The following LRIG1 variants were observed in gnomAD, a reference collection of about 807,000 sequenced individuals.
LRIG1 encodes the protein leucine-rich repeats and immunoglobulin-like domains protein 1.
In LRIG1, 48 loss-of-function variants were observed where a neutral mutation model predicts 99.2. The ratio of observed to expected loss-of-function variants is 0.48; its 90% CI spans 0.38 to 0.62. LRIG1 has a LOEUF of 0.62. LRIG1 is among the 20% of genes least tolerant of loss of function. The pLI, the probability that LRIG1 is intolerant of heterozygous loss-of-function variation, is 0.00. For synonymous variants in LRIG1, 772 were observed against 596.1 expected (o/e 1.29, Z -4.30); for missense variants, 1,646 against 1,434.4 (o/e 1.15, Z -2.38).
chr3:66,432,456 T>C (rs760618239), intron 3 of LRIG1, among the ~76,000 whole-genome samples: 123 of 152,294 alleles, frequency 8.1e-4, no homozygotes, highest in Non-Finnish European at 1.4e-3. Context: ...GCAGGAACAG[T>C]GGGAACAAAT....
chr3:66,398,906 C>T, intron 10 of LRIG1, 64 bp downstream of exon 10: 1 of 1,372,710 alleles, frequency 7.3e-7, no homozygotes, highest in Non-Finnish European at 1.0e-6. Flanking sequence ...AAATTGCTAG[C>T]AGAACTCCCC....
chr3:66,388,325 CAAAG>C (rs1051173807), intron 12 of LRIG1, among the ~76,000 whole-genome samples: 2 of 150,396 alleles, frequency 1.3e-5, no homozygotes, highest in African/African-American at 4.9e-5. Context: ...GTCTGAGAAA[CAAAG>C]AAAAAAGAAT....
intron 3 of LRIG1, among the ~76,000 whole-genome samples, chr3:66,436,732 G>T (rs1048980406): frequency 2.0e-5 from 3 of 152,174 alleles, no homozygotes; most frequent in African/African-American, 7.2e-5. Context: ...TGCATTTAGA[G>T]ACAGGGAAGC....
chr3:66,443,878 G>C (rs1703629448), intron 3 of LRIG1, among the ~76,000 whole-genome samples: 1 of 152,198 alleles, frequency 6.6e-6, no homozygotes, highest in Non-Finnish European at 1.5e-5. Context: ...ACAGTTCCCA[G>C]GCTGGGAAAA....
chr3:66,439,024 T>A (rs144373959), intron 3 of LRIG1, among the ~76,000 whole-genome samples: 1 of 152,224 alleles, frequency 6.6e-6, no homozygotes, highest in African/African-American at 2.4e-5. Flanking sequence ...TGGAACCAAA[T>A]AGTTGCTATA....
At chr3:66,418,047 C>T (rs1274465111) in intron 3 of LRIG1, among the ~76,000 whole-genome samples, 1 of 152,074 alleles carries the variant, frequency 6.6e-6, no homozygotes, top group Non-Finnish European at 1.5e-5. Flanking sequence ...TCACCACCTC[C>T]CAAGACAGGA....
chr3:66,380,970 C>T, intron 17 of LRIG1, 109 bp from the exon 18 acceptor site: 5 of 1,120,748 alleles, frequency 4.5e-6, no homozygotes, highest in Non-Finnish European at 5.2e-6. Flanking sequence ...ACCCTGACTG[C>T]AAACACTGTA....
intron 1 of LRIG1, among the ~76,000 whole-genome samples, chr3:66,490,668 C>A (rs1259602827): frequency 1.3e-5 from 2 of 151,888 alleles, no homozygotes; most frequent in African/African-American, 2.4e-5. Flanking sequence ...TGCATTGGAG[C>A]GTGCTTCCAC....
At chr3:66,426,056 T>A (rs1373079894) in intron 3 of LRIG1, among the ~76,000 whole-genome samples, 1 of 152,170 alleles carries the variant, frequency 6.6e-6, no homozygotes, top group Non-Finnish European at 1.5e-5. Context: ...AGATCTCATG[T>A]CACAGATAAC....
Position 66,500,625 on chromosome 3 carries a change from C to A in LRIG1, c.-218G>T. On this transcript the variant is annotated 5_prime_UTR_variant, in exon 1 of 19. Transcript: ENST00000273261. Reference sequence around the variant, plus strand: ...CACCCGGCGGGGGCCGCAAACCCCGCGCCCATCCGGGCCGGCCGGCCCGCC... The same window carrying A: ...CACCCGGCGGGGGCCGCAAACCCCGAGCCCATCCGGGCCGGCCGGCCCGCC... 3.0e-6 allele frequency: 1 copy of A among 328,226 alleles called. No homozygotes were observed. Among genetic ancestry groups the A allele is most frequent in the Non-Finnish European group, 5.5e-6 (1 of 181,554 alleles). 20.3% of individuals were successfully genotyped at this position (328,226 alleles called of 1,614,324 possible). A position where few individuals can be genotyped will look rare whatever the true frequency, so the allele number is the denominator to read the frequency against.
intron 1 of LRIG1, among the ~76,000 whole-genome samples, chr3:66,465,997 T>C (rs1559813435): frequency 6.6e-6 from 1 of 151,984 alleles, no homozygotes; most frequent in East Asian, 1.9e-4. Flanking sequence ...CTTAACATAA[T>C]GTCTTCAAGA....
In LRIG1 at chr3:66,431,961, G is replaced by A. The variant is rs116216396; in HGVS notation, c.366-14695C>T. Reference sequence around the variant, plus strand: ...ATACAGGATGTTGTTCTCACAGTACGATGATAATGGAATCCCCACCCCATT... The same window carrying A: ...ATACAGGATGTTGTTCTCACAGTACAATGATAATGGAATCCCCACCCCATT... On this transcript the variant is annotated intron_variant, in intron 3 of 18. Transcript: ENST00000273261. 1.7e-3 allele frequency among the ~76,000 whole-genome samples: 259 copies of A among 152,322 alleles called. 1 individual carries two copies. The highest frequency in any genetic ancestry group is 5.9e-3 in the African/African-American group (247 of 41,554).
intron 9 of LRIG1, among the ~76,000 whole-genome samples, chr3:66,402,931 C>T (rs1052794631): frequency 6.6e-6 from 1 of 151,988 alleles, no homozygotes; most frequent in African/African-American, 2.4e-5. Context: ...TTCCTCTGTC[C>T]CTCCCTTCAT....
At chr3:66,460,519 T>C (rs1319983802) in intron 2 of LRIG1, among the ~76,000 whole-genome samples, 1 of 152,162 alleles carries the variant, frequency 6.6e-6, no homozygotes, top group Non-Finnish European at 1.5e-5. Flanking sequence ...ATATGACTGG[T>C]GTCTTTATAA....
rs1289312959 is a variant in LRIG1 at position 66,500,273 on chromosome 3, G to A, written c.135C>T (p.Cys45=). The A allele has an allele frequency of 4.0e-6, 6 of 1,490,838 alleles. No homozygotes were observed. The highest frequency in any genetic ancestry group is 2.9e-5 in the African/African-American group (2 of 69,228). The allele number at this position is 1,490,838 out of a possible 1,614,324, so 92.4% of individuals were successfully genotyped here. The part of the protein sequence containing the change: ...AGPRAPCAAA[C]TCAGDSLDCG... ...AGTCCAGCGAGTCCCCAGCGCAAGT[G>A]CAGGCGGCCGCGCAGGGCGCCCGCG... The change falls in exon 1 of 19, where the codon TGC becomes TGT. Residue 45 remains cysteine, a synonymous_variant. Transcript: ENST00000273261.
chr3:66,380,225 G>C lies in LRIG1; in HGVS notation c.*38C>G, dbSNP rs758963802. On this transcript the variant is annotated 3_prime_UTR_variant, in exon 19 of 19. Coordinates refer to ENST00000273261, the MANE Select transcript of LRIG1 (RefSeq NM_015541.3). ...GCAGCCTCTCCTACCTCTCTTTCCC[G>C]TAGAGATTGGTATGACAAGAACTGA... 5.2e-6 allele frequency: 8 copies of C among 1,547,072 alleles called. No individual in the cohort carries two copies. The African/African-American group carries it at 9.5e-5, about 18-fold the overall frequency.
At chr3:66,485,587 A>G (rs1700953812) in intron 1 of LRIG1, among the ~76,000 whole-genome samples, 1 of 152,304 alleles carries the variant, frequency 6.6e-6, no homozygotes, top group Non-Finnish European at 1.5e-5. Flanking sequence ...TGAGAAAAAC[A>G]CTTTCCAAAC....
intron 2 of LRIG1, among the ~76,000 whole-genome samples, chr3:66,458,790 G>A (rs946982162): frequency 1.3e-5 from 2 of 152,086 alleles, no homozygotes; most frequent in Admixed American, 1.3e-4. Flanking sequence ...GCCAAGGCGG[G>A]TGGATCACCT....
At chr3:66,497,704 C>CCAAAA (rs1553727956) in intron 1 of LRIG1, among the ~76,000 whole-genome samples, 16 of 89,276 alleles carry the variant, frequency 1.8e-4, no homozygotes, top group Middle Eastern at 7.5e-3. Flanking sequence ...GCACTGTTTA[C>CCAAAA]AAAAAAAAAA....
Sources: allele counts gnomAD v4.1 joint callset (sites outside exome capture counted in the v4.1 genomes callset), GRCh38; gene constraint gnomAD v4.1.1; transcripts MANE v1.5; gene names NCBI Gene and HGNC (gene_info 2026-07-23, HGNC 2026-07-21).